The following WDPCP variants were observed in gnomAD, a reference collection of about 807,000 sequenced individuals.
WDPCP encodes the protein WD repeat containing planar cell polarity effector, also known as WD repeat-containing and planar cell polarity effector protein fritz homolog.
In WDPCP, 71 loss-of-function variants were observed where a neutral mutation model predicts 93.1. The ratio of observed to expected loss-of-function variants is 0.76; its 90% confidence interval spans 0.63 to 0.93. The LOEUF (loss-of-function observed/expected upper bound fraction) is 0.93, where lower values mean the gene tolerates loss of function less well. Among genes scored for constraint, WDPCP ranks in the 40% least tolerant of loss-of-function variants. WDPCP has a pLI of 0.00. For synonymous variants in WDPCP, 315 were observed against 315.0 expected, an observed-to-expected ratio of 1.00 and a Z score of 0.00; for missense variants, 844 against 887.4, an observed-to-expected ratio of 0.95 and a Z score of 0.62.
intron 6 of WDPCP, among the ~76,000 whole-genome samples, chr2:63,452,179 A>G (rs1042218782): frequency 6.6e-6 from 1 of 152,224 alleles, no homozygotes; most frequent in Non-Finnish European, 1.5e-5. Context: ...ACATGATTGT[A>G]TATCTAGAAA....
chr2:63,347,591 T>C (rs560777686), intron 12 of WDPCP, among the ~76,000 whole-genome samples: 1 of 152,284 alleles, frequency 6.6e-6, no homozygotes, highest in African/African-American at 2.4e-5. Context: ...TAGATCTGGT[T>C]CTTTGGTTTT....
intron 2 of WDPCP, among the ~76,000 whole-genome samples, chr2:63,655,063 G>A (rs7596420): frequency 0.014 from 2,168 of 152,270 alleles, 59 homozygotes; most frequent in African/African-American, 0.049. Context: ...CACCATCTCA[G>A]CTCAGAAATG....
chr2:63,758,710 G>T (rs1027526103), intron 2 of WDPCP, among the ~76,000 whole-genome samples: 8 of 152,152 alleles, frequency 5.3e-5, no homozygotes, highest in Non-Finnish European at 1.2e-4. Context: ...AAAGTGCTGG[G>T]ATTACAGGCA....
chr2:63,176,700 C>T (rs905029739), intron 14 of WDPCP, among the ~76,000 whole-genome samples: 4 of 152,182 alleles, frequency 2.6e-5, no homozygotes, highest in Non-Finnish European at 5.9e-5. Context: ...TGTCTGTTCA[C>T]TTTATTGGTA....
Position 63,604,157 on chromosome 2 carries a change from G to T in WDPCP, n.488+46502C>A, listed in dbSNP as rs190529084. 2.4e-3 allele frequency among the ~76,000 whole-genome samples: 360 copies of T among 152,312 alleles called. 2 individuals carry two copies. The highest frequency in any genetic ancestry group is 8.3e-3 in the African/African-American group (343 of 41,568). ...CCTTCAGTTTCCTGATATATAAAATGAGGACAGTCATATCTTGGTAATTTG... is the reference window on the plus strand; with the variant it reads ...CCTTCAGTTTCCTGATATATAAAATTAGGACAGTCATATCTTGGTAATTTG... On this transcript the variant is annotated intron_variant and non_coding_transcript_variant, in intron 3 of 4. Coordinates refer to the WDPCP transcript ENST00000467687.
chr2:63,286,609 C>T (rs990498554), intron 13 of WDPCP, among the ~76,000 whole-genome samples: 3 of 152,208 alleles, frequency 2.0e-5, no homozygotes, highest in African/African-American at 7.2e-5. Flanking sequence ...GTGAAATAAA[C>T]AGCCCTGTTG....
At chr2:63,467,434 T>G (rs1296560525) in intron 6 of WDPCP, among the ~76,000 whole-genome samples, 1 of 151,586 alleles carries the variant, frequency 6.6e-6, no homozygotes, top group Non-Finnish European at 1.5e-5. Flanking sequence ...GAGCCGAGAT[T>G]GCACTCCATC....
At chr2:63,414,944 A>T (rs1695307154) in intron 9 of WDPCP, among the ~76,000 whole-genome samples, 1 of 152,138 alleles carries the variant, frequency 6.6e-6, no homozygotes, top group Non-Finnish European at 1.5e-5. Context: ...ATCCTAGATT[A>T]CTCTTAAAAG....
intron 14 of WDPCP, among the ~76,000 whole-genome samples, chr2:63,231,772 T>G (rs919741281): frequency 3.3e-5 from 5 of 152,118 alleles, no homozygotes; most frequent in Non-Finnish European, 5.9e-5. Context: ...AATTTATAGA[T>G]TCAATGCCAT....
chr2:63,648,383 T>C (rs1710075686), intron 3 of WDPCP, among the ~76,000 whole-genome samples: 1 of 152,166 alleles, frequency 6.6e-6, no homozygotes, highest in Non-Finnish European at 1.5e-5. Context: ...ATCAGTATTC[T>C]TTTTTTGAAG....
At chr2:63,312,973 C>T (rs1052203608) in intron 13 of WDPCP, among the ~76,000 whole-genome samples, 2 of 151,718 alleles carry the variant, frequency 1.3e-5, no homozygotes, top group Admixed American at 6.6e-5. Context: ...CATCCCCTTG[C>T]ATCAAGGTAC....
At chr2:63,528,746 TGAA>T (rs1005142113) in intron 1 of WDPCP, among the ~76,000 whole-genome samples, 6 of 152,240 alleles carry the variant, frequency 3.9e-5, no homozygotes, top group Non-Finnish European at 7.3e-5. Flanking sequence ...TCCAATTCTG[TGAA>T]GAAAGTCATT....
chr2:63,326,562 CAGAAAGAA>C (rs56094434), intron 12 of WDPCP, among the ~76,000 whole-genome samples: 2 of 150,182 alleles, frequency 1.3e-5, no homozygotes, highest in African/African-American at 4.9e-5. Flanking sequence ...ATGAGGGAGT[CAGAAAGAA>C]AGAAAGAGAC....
chr2:63,151,626 A>G (rs2103809712), intron 17 of WDPCP, among the ~76,000 whole-genome samples: 1 of 152,356 alleles, frequency 6.6e-6, no homozygotes, highest in East Asian at 1.9e-4. Context: ...CGCAAATTAA[A>G]CAAATTCTTA....
At chr2:63,761,340 T>C (rs530787363) in intron 2 of WDPCP, among the ~76,000 whole-genome samples, 2 of 152,306 alleles carry the variant, frequency 1.3e-5, no homozygotes, top group South Asian at 4.1e-4. Context: ...CTTCTTAGCC[T>C]TCAGAACTAT....
chr2:63,796,400 A>T (rs1670618148), intron 2 of WDPCP, among the ~76,000 whole-genome samples: 1 of 152,248 alleles, frequency 6.6e-6, no homozygotes, highest in Non-Finnish European at 1.5e-5. Context: ...CATAAGAACC[A>T]AAAATCAGGT....
chr2:63,373,327 G>A (rs1691570520), intron 12 of WDPCP, among the ~76,000 whole-genome samples: 1 of 148,752 alleles, frequency 6.7e-6, no homozygotes, highest in Non-Finnish European at 1.5e-5. Context: ...AAGGCTCACT[G>A]CAGACTTGAA....
chr2:63,674,234 T>C (rs1309331913), intron 2 of WDPCP, among the ~76,000 whole-genome samples: 2 of 152,224 alleles, frequency 1.3e-5, no homozygotes, highest in African/African-American at 4.8e-5. Flanking sequence ...GTTAAAACTT[T>C]TTTTTTGTTT....
chr2:63,592,427 T>C (rs1293692649), upstream of WDPCP, among the ~76,000 whole-genome samples: 2 of 152,208 alleles, frequency 1.3e-5, no homozygotes, highest in Non-Finnish European at 2.9e-5. Context: ...AATGGCTCAC[T>C]GTAGCCTTAA....
Sources: allele counts gnomAD v4.1 joint callset (sites outside exome capture counted in the v4.1 genomes callset), GRCh38; gene constraint gnomAD v4.1.1; transcripts MANE v1.5; gene names NCBI Gene and HGNC (gene_info 2026-07-23, HGNC 2026-07-21).